The following FNBP1 variants were observed in gnomAD, a reference collection of about 807,000 sequenced individuals.
The protein encoded by FNBP1 is formin binding protein 1.
In FNBP1, 26 loss-of-function variants were observed where a neutral mutation model predicts 90.6. That is an observed-to-expected ratio of 0.29 (90% CI 0.21 to 0.40). The LOEUF (loss-of-function observed/expected upper bound fraction) is 0.40. FNBP1 is among the 10% of genes least tolerant of loss of function. The pLI is 1.00. For missense variants in FNBP1, 635 were observed against 768.0 expected (o/e 0.83, Z 2.05); for synonymous variants, 260 against 265.2 (o/e 0.98, Z 0.19).
At chr9:129,978,890 G>T (rs748835482) in intron 3 of FNBP1, among the ~76,000 whole-genome samples, 4 of 152,150 alleles carry the variant, frequency 2.6e-5, no homozygotes, top group Non-Finnish European at 5.9e-5. Flanking sequence ...TCATATACAT[G>T]CTATATGTAC....
chr9:130,023,766 T>C (rs947224884), intron 1 of FNBP1, among the ~76,000 whole-genome samples: 1 of 152,140 alleles, frequency 6.6e-6, no homozygotes, highest in Non-Finnish European at 1.5e-5. Flanking sequence ...GTCATCCTTT[T>C]ATCGTGAGCA....
chr9:129,938,895 ACTTGGCCCCC>A (rs2043902583), intron 6 of FNBP1, among the ~76,000 whole-genome samples: 1 of 152,144 alleles, frequency 6.6e-6, no homozygotes, highest in Non-Finnish European at 1.5e-5. Context: ...GGTTTCCAAG[ACTTGGCCCCC>A]CTTTCCCCCC....
intron 3 of FNBP1, 125 bp from the exon 4 acceptor site, chr9:129,978,737 G>T: frequency 1.1e-6 from 1 of 869,782 alleles, no homozygotes; most frequent in Non-Finnish European, 1.7e-6. Context: ...AGGATCCTGA[G>T]TATTCATTAC....
At chr9:129,999,017 TCTCA>T (rs1007120518) in intron 1 of FNBP1, among the ~76,000 whole-genome samples, 2 of 152,238 alleles carry the variant, frequency 1.3e-5, no homozygotes, top group East Asian at 3.9e-4. Flanking sequence ...GCCCCCACGC[TCTCA>T]CTATCACATG....
intron 11 of FNBP1, among the ~76,000 whole-genome samples, chr9:129,912,587 C>T (rs1342360628): frequency 2.0e-5 from 3 of 150,460 alleles, no homozygotes; most frequent in Non-Finnish European, 2.9e-5. Flanking sequence ...ACTCAGGAGG[C>T]TGAGGCAGGA....
At chr9:130,036,603 C>T (rs1364790630) in intron 1 of FNBP1, among the ~76,000 whole-genome samples, 1 of 152,192 alleles carries the variant, frequency 6.6e-6, no homozygotes, top group South Asian at 2.1e-4. Flanking sequence ...AAAATTTGTT[C>T]TCATGGAGAA....
At chr9:130,014,309 T>C (rs1272972153) in intron 1 of FNBP1, among the ~76,000 whole-genome samples, 1 of 150,778 alleles carries the variant, frequency 6.6e-6, no homozygotes, top group Non-Finnish European at 1.5e-5. Flanking sequence ...TGGAGTGCAA[T>C]GGCGCAATCT....
intron 4 of FNBP1, among the ~76,000 whole-genome samples, chr9:129,969,762 A>T (rs867009161): frequency 5.8e-4 from 88 of 150,906 alleles, no homozygotes; most frequent in Middle Eastern, 3.4e-3. Flanking sequence ...TTAAAAAAAA[A>T]TTTTTTTTTA....
chr9:129,894,043 G>A (rs76588272), intron 16 of FNBP1, among the ~76,000 whole-genome samples: 9,475 of 152,078 alleles, frequency 0.062, 456 homozygotes, highest in Non-Finnish European at 0.085. Flanking sequence ...GCCCGAATGT[G>A]CAGCTACTGC....
chr9:129,890,520 G>T lies in FNBP1; in HGVS notation c.*19C>A, dbSNP rs374995155. 14 of 1,583,474 alleles carry T rather than the reference G, an allele frequency of 8.8e-6. No individual in the cohort carries two copies. The highest frequency in any genetic ancestry group is 5.4e-5 in the Admixed American group (3 of 55,844). ...GGCTCCTCCAGGAAGGCTCACCCGA[G>T]GCTCGCAGGCACTCCCCTCTAGGAA... is the stretch of plus-strand genomic sequence containing the variant. On this transcript the variant is annotated 3_prime_UTR_variant, in exon 17 of 17. Transcript: ENST00000446176. This position sits in a 1 kb window ranked among gnomAD's most constrained non-coding sequence, Gnocchi z 5.8.
intron 10 of FNBP1, 92 bp downstream of exon 10, chr9:129,923,752 C>A: frequency 1.5e-6 from 2 of 1,315,720 alleles, no homozygotes; most frequent in East Asian, 3.1e-5. Context: ...TGGGAAAACA[C>A]AATGGATTCA....
chr9:129,996,588 C>A (rs112502762), intron 1 of FNBP1, among the ~76,000 whole-genome samples: 8 of 152,144 alleles, frequency 5.3e-5, no homozygotes, highest in Admixed American at 2.0e-4. Flanking sequence ...GAGGATCATG[C>A]GAAATGGGGA....
At chr9:130,033,361 C>T (rs1166334529) in intron 1 of FNBP1, among the ~76,000 whole-genome samples, 1 of 152,164 alleles carries the variant, frequency 6.6e-6, no homozygotes, top group Non-Finnish European at 1.5e-5. Context: ...TGGGAGCACC[C>T]ACACCGTTTG....
chr9:130,050,475 G>A, the FNBP1 span, among the ~76,000 whole-genome samples: 213 of 152,152 alleles, frequency 1.4e-3, no homozygotes, highest in Non-Finnish European at 2.5e-3. Flanking sequence ...AGGCATTCCC[G>A]ACACCCCAAG....
intron 1 of FNBP1, among the ~76,000 whole-genome samples, chr9:130,029,194 C>T (rs1443064474): frequency 1.3e-5 from 2 of 151,808 alleles, no homozygotes; most frequent in East Asian, 1.9e-4. Flanking sequence ...CTTGCTCTGT[C>T]GCCCAGCCTG....
At chr9:130,006,200 T>C (rs1286271126) in intron 1 of FNBP1, among the ~76,000 whole-genome samples, 1 of 152,172 alleles carries the variant, frequency 6.6e-6, no homozygotes, top group Non-Finnish European at 1.5e-5. Context: ...CCTAGCACTT[T>C]GGGAGGCCAA....
chr9:129,905,050 T>C (rs2131418669), intron 12 of FNBP1, among the ~76,000 whole-genome samples: 1 of 152,098 alleles, frequency 6.6e-6, no homozygotes, highest in East Asian at 1.9e-4. Context: ...AAGCCAAGTG[T>C]AATGTTGTCC....
chr9:130,001,370 GTGCAATTTGGAGCCACAGCCT>G (rs2054830161), intron 1 of FNBP1, among the ~76,000 whole-genome samples: 1 of 150,878 alleles, frequency 6.6e-6, no homozygotes, highest in Non-Finnish European at 1.5e-5. Flanking sequence ...GTAGTTACCA[GTGCAATTTGGAGCCACAGCCT>G]TGATTTAACT....
At chr9:129,914,757 C>A (rs7875866) in intron 11 of FNBP1, among the ~76,000 whole-genome samples, 63,991 of 108,682 alleles carry the variant, frequency 0.59, 21,330 homozygotes, top group East Asian at 0.82. Context: ...ATACATATGT[C>A]TATATATATA....
Sources: gnomAD v4.1 joint callset for allele counts (sites outside exome capture counted in the v4.1 genomes callset) on GRCh38, gnomAD v4.1.1 for gene constraint, Gnocchi (gnomAD v3.1) non-coding constraint, MANE v1.5 for transcripts, NCBI Gene and HGNC (gene_info 2026-07-23, HGNC 2026-07-21) for gene names.